Variants in RNF128 observed in about 807,000 individuals in gnomAD.
RNF128 encodes ring finger protein 128.
A neutral mutation model predicts 26.2 loss-of-function variants in RNF128; 13 were observed. The observed-to-expected ratio is 0.50, with a 90% confidence interval of 0.32 to 0.79. RNF128 has a LOEUF of 0.79. Among genes scored for constraint, RNF128 ranks in the 30% least tolerant of loss-of-function variants. The pLI, the probability that RNF128 is intolerant of heterozygous loss-of-function variation, is 0.03. For synonymous variants in RNF128, 149 were observed against 142.5 expected, an observed-to-expected ratio of 1.05 and a Z score of -0.32; for missense variants, 315 against 349.7, an observed-to-expected ratio of 0.90 and a Z score of 0.79.
intron 1 of RNF128, among the ~76,000 whole-genome samples, chrX:106,734,357 G>T (rs982646940): frequency 1.8e-5 from 2 of 111,422 alleles, no homozygotes; most frequent in Non-Finnish European, 3.8e-5. Flanking sequence ...TATTTCTTAG[G>T]GTTTGATCAC....
At chrX:106,735,492 G>A (rs977705904) in intron 1 of RNF128, among the ~76,000 whole-genome samples, 1 of 111,508 alleles carries the variant, frequency 9.0e-6, no homozygotes, top group Admixed American at 9.5e-5. Flanking sequence ...GAAATTATAG[G>A]AGAAAGTATT....
intron 2 of RNF128, among the ~76,000 whole-genome samples, chrX:106,773,912 T>C (rs1167163002): frequency 6.3e-5 from 7 of 111,412 alleles, no homozygotes; most frequent in Non-Finnish European, 1.3e-4. Flanking sequence ...CTCCCATGCA[T>C]ACATCTTCAG....
rs1033448212 is a variant in RNF128, at chrX:106,787,960, T to C, written c.847T>C (p.Leu283=). The change falls in exon 4 of 7, where the codon TTG becomes CTG. Residue 283 remains leucine, a synonymous_variant. Transcript: ENST00000255499. ...AGATAGTTGTGCTGTGTGCATTGAA[T>C]TGTATAAACCAAATGATTTGGTACG... The part of the protein sequence containing the change: ...DGDSCAVCIE[L]YKPNDLVRIL... 2 of 1,189,319 alleles carry C rather than the reference T, an allele frequency of 1.7e-6. No individual in the cohort carries two copies. Among genetic ancestry groups the C allele is most frequent in the Admixed American group, 2.4e-5 (1 of 42,260 alleles).
intron 1 of RNF128, among the ~76,000 whole-genome samples, chrX:106,756,115 T>C (rs1197888744): frequency 1.8e-5 from 2 of 111,459 alleles, no homozygotes; most frequent in Non-Finnish European, 3.8e-5. Flanking sequence ...GAACATTCCA[T>C]ACTCATGGGT....
intron 1 of RNF128, among the ~76,000 whole-genome samples, chrX:106,699,372 G>A (rs1234590084): frequency 1.8e-5 from 2 of 111,963 alleles, no homozygotes; most frequent in African/African-American, 6.5e-5. Flanking sequence ...AGAAATAAGC[G>A]CAAGCTTTTG....
At chrX:106,727,534 C>T in intron 1 of RNF128, 137 bp downstream of exon 1, 2 of 804,963 alleles carry the variant, frequency 2.5e-6, no homozygotes, top group Non-Finnish European at 3.5e-6. Flanking sequence ...CGGAGTGGGG[C>T]AGGGTCCTCC....
At chrX:106,701,872 A>G (rs768994497) in intron 1 of RNF128, among the ~76,000 whole-genome samples, 51 of 111,935 alleles carry the variant, frequency 4.6e-4, no homozygotes, top group Admixed American at 1.7e-3. Context: ...ATATTTGACA[A>G]CTACATTGTA....
At chrX:106,704,595 G>T (rs1255779786) in intron 1 of RNF128, among the ~76,000 whole-genome samples, 1 of 110,931 alleles carries the variant, frequency 9.0e-6, no homozygotes, top group Non-Finnish European at 1.9e-5. Context: ...GACGGGTTTT[G>T]GTTGAGTCAG....
At chrX:106,719,150 G>T (rs1334424107) in intron 1 of RNF128, among the ~76,000 whole-genome samples, 1 of 111,371 alleles carries the variant, frequency 9.0e-6, no homozygotes, top group Admixed American at 9.5e-5. Context: ...AGCCTTATTA[G>T]AAATTATCCA....
chrX:106,774,710 T>C (rs1182728873), intron 2 of RNF128, among the ~76,000 whole-genome samples: 1 of 112,162 alleles, frequency 8.9e-6, no homozygotes, highest in African/African-American at 3.2e-5. Context: ...TCCTCCTCCC[T>C]TCAGGTATTC....
chrX:106,759,420 TC>T (rs1300558944), intron 1 of RNF128, among the ~76,000 whole-genome samples: 1 of 111,200 alleles, frequency 9.0e-6, no homozygotes, highest in African/African-American at 3.3e-5. Flanking sequence ...AATCCAGCAA[TC>T]CCACTGCTAG....
At chrX:106,726,626 C>T, upstream of RNF128, 2 of 935,774 alleles carry the variant, frequency 2.1e-6, no homozygotes, top group Non-Finnish European at 2.7e-6. Flanking sequence ...GTCCTTTCCT[C>T]CCTCCCAGCC....
chrX:106,783,477 A>G (rs781646056), intron 2 of RNF128, among the ~76,000 whole-genome samples: 6 of 111,474 alleles, frequency 5.4e-5, no homozygotes, highest in Admixed American at 4.8e-4. Context: ...TTTTCATGTA[A>G]CATAAATGTC....
intron 1 of RNF128, among the ~76,000 whole-genome samples, chrX:106,734,505 T>G (rs1929555023): frequency 1.8e-5 from 2 of 111,886 alleles, no homozygotes; most frequent in Admixed American, 9.5e-5. Flanking sequence ...TCTATTATAA[T>G]GATGGCTACT....
intron 1 of RNF128, among the ~76,000 whole-genome samples, chrX:106,715,608 C>T (rs1929201402): frequency 8.9e-6 from 1 of 111,741 alleles, no homozygotes; most frequent in Admixed American, 9.5e-5. Flanking sequence ...TTTCTGATAC[C>T]TTGACTGTAG....
chrX:106,789,761 A>G (rs1288160627), intron 4 of RNF128, among the ~76,000 whole-genome samples: 1 of 108,923 alleles, frequency 9.2e-6, no homozygotes, highest in Non-Finnish European at 1.9e-5. Flanking sequence ...ATTTAATACA[A>G]TAGTGATGCT....
At position 106,795,571 on chromosome X, in the gene RNF128, T is replaced by A. The variant is rs1261359469; in HGVS notation, c.1154-9T>A. 8.5e-7 allele frequency: 1 copy of A among 1,175,900 alleles called. No individual in the cohort carries two copies. The highest frequency in any genetic ancestry group is 1.1e-6 in the Non-Finnish European group (1 of 880,210). On this transcript the variant is annotated splice_polypyrimidine_tract_variant and intron_variant, in intron 6 of 6. Coordinates refer to ENST00000255499, the MANE Select transcript of RNF128 (RefSeq NM_194463.2). ...AAAATCATCCTAAAATTGCTATTTCTTTTTAAAGATGAAAGTCTACAGCTG... is the reference window on the plus strand; with the variant it reads ...AAAATCATCCTAAAATTGCTATTTCATTTTAAAGATGAAAGTCTACAGCTG...
intron 1 of RNF128, among the ~76,000 whole-genome samples, chrX:106,701,965 C>T (rs111787787): frequency 0.12 from 12,848 of 110,267 alleles, 1,844 homozygotes; most frequent in African/African-American, 0.4. Flanking sequence ...TAACATGTTA[C>T]GCCTGGAAAA....
intron 5 of RNF128, among the ~76,000 whole-genome samples, chrX:106,790,516 A>T (rs1349770274): frequency 3.6e-5 from 4 of 110,758 alleles, no homozygotes; most frequent in African/African-American, 1.3e-4. Flanking sequence ...TGAAATGATA[A>T]CCATATAAAC....
Sources: gnomAD v4.1 joint callset for allele counts (sites outside exome capture counted in the v4.1 genomes callset) on GRCh38, gnomAD v4.1.1 for gene constraint, MANE v1.5 for transcripts, NCBI Gene and HGNC (gene_info 2026-07-23, HGNC 2026-07-21) for gene names.